The following ZFR variants were observed in gnomAD, a reference collection of about 807,000 sequenced individuals.
The protein encoded by ZFR is zinc finger RNA-binding protein.
In ZFR, 19 loss-of-function variants were observed where a neutral mutation model predicts 130.7. The observed-to-expected ratio is 0.15, with a 90% CI of 0.10 to 0.21. The LOEUF is 0.21. Ranked by LOEUF, ZFR falls within the 10% of genes least tolerant of loss-of-function variation. The pLI, the probability that ZFR is intolerant of heterozygous loss-of-function variation, is 1.00. For missense variants in ZFR, 872 were observed against 1,321.5 expected (o/e 0.66, Z 5.27); for synonymous variants, 466 against 456.9 (o/e 1.02, Z -0.25).
chr5:32,364,403 G>A (rs1752496467), intron 17 of ZFR, 128 bp from the exon 18 acceptor site: 1 of 585,734 alleles, frequency 1.7e-6, no homozygotes, highest in Admixed American at 3.3e-5. Flanking sequence ...CACAAAAACA[G>A]AAAATAAATA....
chr5:32,407,095 T>C, intron 5 of ZFR, 74 bp from the exon 6 acceptor site: 1 of 1,266,484 alleles, frequency 7.9e-7, no homozygotes, highest in Non-Finnish European at 1.1e-6. Context: ...CAAATTTAAA[T>C]TAAATTAATC....
intron 12 of ZFR, 37 bp from the exon 13 acceptor site, chr5:32,388,711 T>C (rs748681386): frequency 3.2e-6 from 5 of 1,545,494 alleles, no homozygotes; most frequent in Non-Finnish European, 4.4e-6. Context: ...TAAAAAAAAG[T>C]TTCCTGAGCA....
At chr5:32,411,472 T>C (rs1233075434) in intron 5 of ZFR, among the ~76,000 whole-genome samples, 4 of 151,920 alleles carry the variant, frequency 2.6e-5, no homozygotes, top group African/African-American at 9.7e-5. Context: ...GTGGGTAACC[T>C]GAAGTCAGGA....
At chr5:32,374,554 A>G (rs1250476748) in intron 17 of ZFR, among the ~76,000 whole-genome samples, 1 of 152,066 alleles carries the variant, frequency 6.6e-6, no homozygotes, top group East Asian at 1.9e-4. Context: ...GAAGCTATAC[A>G]ATGCCTACAA....
Position 32,379,252 on chromosome 5 carries a change from T to C in ZFR, c.2740-42A>G, listed in dbSNP as rs929868267. Reference sequence around the variant, plus strand: ...AAACCAATTGAATTAATCTTAGAAATACTGAATATATCCCTTGATGAAAAA... The same window carrying C: ...AAACCAATTGAATTAATCTTAGAAACACTGAATATATCCCTTGATGAAAAA... On this transcript the variant is annotated intron_variant, in intron 16 of 19. Coordinates refer to ENST00000265069, the MANE Select transcript of ZFR (RefSeq NM_016107.5). The C allele has an allele frequency of 8.6e-6, 13 of 1,517,862 alleles. No individual in the cohort carries two copies. In the Admixed American group the frequency reaches 2.2e-4, roughly 25 times the overall value. 94.0% of individuals were successfully genotyped at this position (1,517,862 alleles called of 1,614,324 possible).
chr5:32,413,134 A>C (rs915528723), intron 5 of ZFR, among the ~76,000 whole-genome samples: 6 of 152,122 alleles, frequency 3.9e-5, no homozygotes, highest in Non-Finnish European at 7.4e-5. Context: ...GGTTGCAGTG[A>C]GCCAAGCTGG....
intron 10 of ZFR, 50 bp downstream of exon 10, chr5:32,397,163 GTGTTTT>G (rs994614097): frequency 1.5e-4 from 226 of 1,549,056 alleles, no homozygotes; most frequent in African/African-American, 6.6e-4. Context: ...AATGCTCTGG[GTGTTTT>G]TGTTTTTGTT....
At chr5:32,412,630 T>C (rs893441772) in intron 5 of ZFR, among the ~76,000 whole-genome samples, 4 of 152,254 alleles carry the variant, frequency 2.6e-5, no homozygotes, top group African/African-American at 7.2e-5. Flanking sequence ...TTCCTTTTCA[T>C]AATGTTGCCA....
intron 14 of ZFR, among the ~76,000 whole-genome samples, chr5:32,386,473 G>A (rs1325431579): frequency 4.6e-5 from 7 of 151,892 alleles, no homozygotes; most frequent in Non-Finnish European, 8.8e-5. Context: ...ATATTCCTTG[G>A]TTTGCAGTTT....
rs1752268928 is a variant in ZFR, at chr5:32,354,702, G to C, written c.*1058C>G. The C allele has an allele frequency of 6.6e-6, 1 of 152,512 alleles. No individual in the cohort carries two copies. Among genetic ancestry groups the C allele is most frequent in the Non-Finnish European group, 1.5e-5 (1 of 68,018 alleles). The allele number at this position is 152,512 out of a possible 1,614,324, so 9.4% of individuals were successfully genotyped here. A position where few individuals can be genotyped will look rare whatever the true frequency, so the allele number is the denominator to read the frequency against. On this transcript the variant is annotated 3_prime_UTR_variant, in exon 20 of 20. Coordinates refer to ENST00000265069, the MANE Select transcript of ZFR (RefSeq NM_016107.5). ...AGAACTGTAAATTATCTGGGTGATG[G>C]GGTGTGTGGAGAAGATCATCTGTGT... is the stretch of plus-strand genomic sequence containing the variant.
chr5:32,374,827 A>G (rs182641270), intron 17 of ZFR, among the ~76,000 whole-genome samples: 124 of 152,328 alleles, frequency 8.1e-4, no homozygotes, highest in Admixed American at 3.5e-3. Context: ...TAATTACAAT[A>G]GGAGAAATTG....
At chr5:32,400,656 A>C (rs774051528) in intron 8 of ZFR, among the ~76,000 whole-genome samples, 5 of 152,164 alleles carry the variant, frequency 3.3e-5, no homozygotes, top group Admixed American at 6.5e-5. Flanking sequence ...TGAGCCTAGA[A>C]GTTTGAGACC....
intron 18 of ZFR, 31 bp downstream of exon 18, chr5:32,364,133 T>C (rs1179281365): frequency 6.3e-7 from 1 of 1,599,224 alleles, no homozygotes; most frequent in African/African-American, 1.3e-5. Flanking sequence ...TAAACTTCAT[T>C]TTACTTCATT....
At chr5:32,397,401 C>T (rs138167251) in intron 9 of ZFR, 63 bp from the exon 10 acceptor site, 229 of 1,566,914 alleles carry the variant, frequency 1.5e-4, no homozygotes, top group Non-Finnish European at 1.9e-4. Flanking sequence ...CATAAACCCC[C>T]ACATATTATT....
intron 19 of ZFR, among the ~76,000 whole-genome samples, chr5:32,359,910 C>T (rs1432045974): frequency 6.6e-6 from 1 of 150,606 alleles, no homozygotes; most frequent in Non-Finnish European, 1.5e-5. Flanking sequence ...CGCCTTTGCA[C>T]TCCAGCCTGG....
chr5:32,419,292 G>T (rs916725045), intron 3 of ZFR, among the ~76,000 whole-genome samples: 1 of 152,102 alleles, frequency 6.6e-6, no homozygotes, highest in African/African-American at 2.4e-5. Context: ...AGAGTCAAAT[G>T]GACGGGGGGT....
chr5:32,387,779 T>C, intron 13 of ZFR, 80 bp from the exon 14 acceptor site: 6 of 1,350,232 alleles, frequency 4.4e-6, no homozygotes, highest in Non-Finnish European at 5.9e-6. Context: ...CAATAGTAAG[T>C]GAAATAACTT....
chr5:32,404,940 C>G (rs1405528232), intron 6 of ZFR, among the ~76,000 whole-genome samples: 6 of 152,172 alleles, frequency 3.9e-5, no homozygotes, highest in Non-Finnish European at 8.8e-5. Context: ...CCTTAGACTC[C>G]TGAGTAGCTG....
At chr5:32,366,051 G>A (rs1752540375) in intron 17 of ZFR, among the ~76,000 whole-genome samples, 1 of 152,176 alleles carries the variant, frequency 6.6e-6, no homozygotes, top group African/African-American at 2.4e-5. Flanking sequence ...TGAGACCCTT[G>A]AGGATAAGGT....
Sources: gnomAD v4.1 joint callset for allele counts (sites outside exome capture counted in the v4.1 genomes callset) on GRCh38, gnomAD v4.1.1 for gene constraint, MANE v1.5 for transcripts, NCBI Gene and HGNC (gene_info 2026-07-23, HGNC 2026-07-21) for gene names.